The following CRYBG1 variants were observed in gnomAD, a reference collection of about 807,000 sequenced individuals.
CRYBG1 encodes crystallin beta-gamma domain containing 1.
Under a neutral mutation model 189.2 loss-of-function variants are expected in CRYBG1, and 139 were observed. The observed-to-expected ratio is 0.73, with a 90% CI of 0.64 to 0.85. The LOEUF is 0.85. Ranked by LOEUF, CRYBG1 falls within the 40% of genes least tolerant of loss-of-function variation. The probability of loss-of-function intolerance (pLI) is 0.00; values close to 1 mark genes in which losing one functional copy is unlikely to be tolerated. For synonymous variants in CRYBG1, 1,023 were observed against 1,017.1 expected (o/e 1.01, Z -0.11); for missense variants, 2,611 against 2,675.8 (o/e 0.98, Z 0.53).
intron 2 of CRYBG1, among the ~76,000 whole-genome samples, chr6:106,467,200 T>C (rs1334173985): frequency 6.6e-6 from 1 of 152,186 alleles, no homozygotes; most frequent in African/African-American, 2.4e-5. Context: ...CGGTGGCTTA[T>C]GTCTATAATC....
intron 11 of CRYBG1, 140 bp downstream of exon 11, chr6:106,543,737 C>A: frequency 3.1e-6 from 3 of 971,608 alleles, no homozygotes; most frequent in Non-Finnish European, 4.6e-6. Context: ...TTCTCCTCAG[C>A]CTATAGTGAC....
chr6:106,553,669 C>T (rs575046654), intron 16 of CRYBG1, 102 bp downstream of exon 16: 20 of 781,046 alleles, frequency 2.6e-5, no homozygotes, highest in South Asian at 1.4e-4. Flanking sequence ...TGGCACTATG[C>T]GAAACCACCA....
At chr6:106,556,821 G>C (rs1056290091) in intron 17 of CRYBG1, among the ~76,000 whole-genome samples, 1 of 152,150 alleles carries the variant, frequency 6.6e-6, no homozygotes, top group Non-Finnish European at 1.5e-5. Flanking sequence ...AAATGCTACT[G>C]AGACATGAAA....
At position 106,520,622 on chromosome 6, in the gene CRYBG1, T is replaced by C; in HGVS notation, c.3414T>C (p.Phe1138=). ...TGCCAAACTCTCCTGCTCCTCACTTTGCCATGCCTCCTATTCACGAAGACC... is the reference window on the plus strand; with the variant it reads ...TGCCAAACTCTCCTGCTCCTCACTTCGCCATGCCTCCTATTCACGAAGACC... ...ARMPNSPAPH[F]AMPPIHEDHL... The change falls in exon 4 of 22, where the codon TTT becomes TTC. Residue 1138 remains phenylalanine (F), a synonymous_variant. Coordinates refer to ENST00000633556, the MANE Select transcript of CRYBG1 (RefSeq NM_001371242.2). The C allele has an allele frequency of 6.2e-7, 1 of 1,614,224 alleles. No homozygotes were observed. Among genetic ancestry groups the C allele is most frequent in the Non-Finnish European group, 8.5e-7 (1 of 1,180,044 alleles).
At chr6:106,485,388 A>G (rs1772575654) in intron 2 of CRYBG1, among the ~76,000 whole-genome samples, 1 of 152,312 alleles carries the variant, frequency 6.6e-6, no homozygotes, top group East Asian at 1.9e-4. Flanking sequence ...AATTAGTTCT[A>G]ACAGGTTTTT....
chr6:106,411,201 C>T (rs1402949419), intron 1 of CRYBG1, among the ~76,000 whole-genome samples: 2 of 152,254 alleles, frequency 1.3e-5, no homozygotes, highest in East Asian at 1.9e-4. Flanking sequence ...TTGAAACATG[C>T]TTTCTACCAC....
intron 8 of CRYBG1, among the ~76,000 whole-genome samples, chr6:106,535,662 C>T (rs1398746755): frequency 6.6e-6 from 1 of 152,058 alleles, no homozygotes; most frequent in Non-Finnish European, 1.5e-5. Context: ...AGGATCCAAT[C>T]AAGGTTCACA....
chr6:106,545,853 A>G (rs1396342952), intron 13 of CRYBG1, among the ~76,000 whole-genome samples: 2 of 150,230 alleles, frequency 1.3e-5, no homozygotes, highest in African/African-American at 2.4e-5. Flanking sequence ...TAATTTTTGT[A>G]TTTTTTTTTA....
chr6:106,530,243 T>C lies in CRYBG1; in HGVS notation c.4646T>C (p.Phe1549Ser). 1.2e-6 allele frequency: 2 copies of C among 1,613,896 alleles called. No homozygotes were observed. Among genetic ancestry groups the C allele is most frequent in the Non-Finnish European group, 1.7e-6 (2 of 1,179,866 alleles). ...PEGLGILSSYFDDTEEMQGFG... is the reference protein window; with the variant it reads ...PEGLGILSSYSDDTEEMQGFG... ...GGGTTAGGAATCCTAAGTTCCTACT[T>C]TGATGATACTGAAGAAATGCAGGGA... The change falls in exon 8 of 22, where the codon TTT becomes TCT. Residue 1549 changes from phenylalanine (F) to serine (S), a missense_variant. Physicochemically the swap from Phe to Ser is radical, Grantham distance 155. Around this residue, in one of 3 missense-constraint regions of CRYBG1, gnomAD observed 1,622 missense variants for 1,735.0 expected, o/e 0.93. Transcript: ENST00000633556.
intron 2 of CRYBG1, among the ~76,000 whole-genome samples, chr6:106,463,870 G>A (rs977784949): frequency 2.6e-5 from 4 of 152,134 alleles, no homozygotes; most frequent in Admixed American, 6.5e-5. Context: ...CTACAGAGAG[G>A]CCAAAAAGTC....
At chr6:106,494,053 T>C (rs916051050) in intron 2 of CRYBG1, among the ~76,000 whole-genome samples, 2 of 152,204 alleles carry the variant, frequency 1.3e-5, no homozygotes, top group Non-Finnish European at 2.9e-5. Flanking sequence ...TAAATATGCA[T>C]GTGTCAGTCT....
intron 1 of CRYBG1, among the ~76,000 whole-genome samples, chr6:106,441,573 A>G (rs1438945851): frequency 6.6e-6 from 1 of 152,168 alleles, no homozygotes; most frequent in African/African-American, 2.4e-5. Flanking sequence ...AAACATTAAC[A>G]CCAGTTAATT....
rs1021096634 is a variant in CRYBG1, at chr6:106,381,804, C to T, written c.173+20723C>T. On this transcript the variant is annotated intron_variant, in intron 1 of 21. Transcript: ENST00000633556. ...CTTTCTGCTTTGGGCAATGTGTGCTCCTGCTAGCCAGAAAGCCCCCAGGTG... is the reference window on the plus strand; with the variant it reads ...CTTTCTGCTTTGGGCAATGTGTGCTTCTGCTAGCCAGAAAGCCCCCAGGTG... Among the ~76,000 whole-genome samples, 3 of 152,198 alleles carry T rather than the reference C, an allele frequency of 2.0e-5. No individual in the cohort carries two copies. The East Asian group carries it at 5.8e-4, about 29-fold the overall frequency.
At position 106,512,410 on chromosome 6, in the gene CRYBG1, C is replaced by T. The variant is rs772051884; in HGVS notation, c.1293C>T (p.Pro431=). ...RRGSQKSTDS[P]GADAELPESA... is the part of the protein sequence containing the mutation. ...GGTCGCAGAAATCCACCGACTCCCC[C>T]GGCGCGGACGCCGAGCTCCCTGAGA... Residue 431 remains proline, a synonymous_variant, in exon 3 of 22, where the codon CCC becomes CCT. Transcript: ENST00000633556. 12 of 1,608,308 alleles carry T rather than the reference C, an allele frequency of 7.5e-6. No individual in the cohort carries two copies. The highest frequency in any genetic ancestry group is 5.3e-5 in the African/African-American group (4 of 74,886).
intron 3 of CRYBG1, among the ~76,000 whole-genome samples, chr6:106,514,062 G>C (rs1042591674): frequency 2.0e-5 from 3 of 152,172 alleles, no homozygotes; most frequent in Non-Finnish European, 4.4e-5. Flanking sequence ...ACTGCCAAAC[G>C]AATGTTACCA....
At position 106,571,059 on chromosome 6, in the gene CRYBG1, T is replaced by C. The variant is rs1296342857; in HGVS notation, c.*2493T>C. ...TCAAAGTGGCAAGCTTTGGGCTCCATTGGAAGGCTGCAATTTCCATGGAAA... is the reference window on the plus strand; with the variant it reads ...TCAAAGTGGCAAGCTTTGGGCTCCACTGGAAGGCTGCAATTTCCATGGAAA... On this transcript the variant is annotated 3_prime_UTR_variant, in exon 22 of 22. Coordinates refer to ENST00000633556, the MANE Select transcript of CRYBG1 (RefSeq NM_001371242.2). The C allele has an allele frequency of 1.3e-5, 2 of 152,192 alleles. No homozygotes were observed. The highest frequency in any genetic ancestry group is 2.1e-4 in the South Asian group (1 of 4,828). The allele number at this position is 152,192 out of a possible 1,614,324, so 9.4% of individuals were successfully genotyped here. A position where few individuals can be genotyped will look rare whatever the true frequency, so the allele number is the denominator to read the frequency against.
intron 1 of CRYBG1, among the ~76,000 whole-genome samples, chr6:106,388,403 C>G (rs978574901): frequency 9.2e-5 from 14 of 152,094 alleles, no homozygotes; most frequent in African/African-American, 3.1e-4. Context: ...ACCTGCCCCT[C>G]CCTCTACCCC....
chr6:106,499,514 AC>A (rs1351748484), intron 2 of CRYBG1, among the ~76,000 whole-genome samples: 11 of 77,228 alleles, frequency 1.4e-4, no homozygotes, highest in African/African-American at 8.7e-4. Flanking sequence ...TGTTTAATTG[AC>A]AAATAATTTT....
At position 106,421,152 on chromosome 6, in the gene CRYBG1, G is replaced by T. The variant is rs1407891418; in HGVS notation, c.174-30542G>T. On this transcript the variant is annotated intron_variant, in intron 1 of 21. Transcript: ENST00000633556. ...GGAGTGCAGTGCACTTGAGGCCAAG[G>T]AAGGTGAACAGATGAGATGATTGTT... Among the ~76,000 whole-genome samples, 3 of 152,202 alleles carry T rather than the reference G, an allele frequency of 2.0e-5. No individual in the cohort carries two copies. The East Asian group carries it at 5.8e-4, about 29-fold the overall frequency.
Sources: allele counts gnomAD v4.1 joint callset (sites outside exome capture counted in the v4.1 genomes callset), GRCh38; gene constraint gnomAD v4.1.1; regional missense constraint gnomAD v4.1.1; transcripts MANE v1.5; gene names NCBI Gene and HGNC (gene_info 2026-07-23, HGNC 2026-07-21).